Variants in PCNX2 observed in about 807,000 individuals in gnomAD.
PCNX2 encodes pecanex-like protein 2.
PCNX2 carries 168 observed loss-of-function variants against 223.8 expected under a neutral mutation model. The observed-to-expected ratio is 0.75, with a 90% CI of 0.66 to 0.85. The LOEUF (loss-of-function observed/expected upper bound fraction) is 0.85, where lower values mean the gene tolerates loss of function less well. PCNX2 is among the 40% of genes least tolerant of loss of function. PCNX2 has a pLI of 0.00. For synonymous variants in PCNX2, 1,006 were observed against 1,052.6 expected (o/e 0.96, Z 0.86); for missense variants, 2,507 against 2,675.5 (o/e 0.94, Z 1.39).
intron 9 of PCNX2, 102 bp downstream of exon 9, chr1:233,236,743 G>A (rs1022737842): frequency 6.0e-6 from 9 of 1,499,166 alleles, no homozygotes; most frequent in East Asian, 2.3e-5. Context: ...AAAATTCAGG[G>A]AAAGAGCTGA....
the PCNX2 span, among the ~76,000 whole-genome samples, chr1:233,322,579 T>C: frequency 6.6e-6 from 1 of 152,062 alleles, no homozygotes; most frequent in Admixed American, 6.6e-5. Flanking sequence ...CTCCTCTTAG[T>C]ACCAGGCGTT....
intron 9 of PCNX2, among the ~76,000 whole-genome samples, chr1:233,227,981 GA>G (rs201374331): frequency 4.6e-4 from 67 of 146,438 alleles, no homozygotes; most frequent in Middle Eastern, 3.5e-3. Flanking sequence ...ATTCAATTTT[GA>G]AAAAAAAAAA....
rs75327909 is a variant in PCNX2, at chr1:233,128,753, T to C, written c.3837+6260A>G. Among the ~76,000 whole-genome samples the C allele has an allele frequency of 4.3e-3, 648 of 152,336 alleles. 6 individuals carry two copies. The highest frequency in any genetic ancestry group is 0.015 in the African/African-American group (610 of 41,574). On this transcript the variant is annotated intron_variant, in intron 21 of 33. Coordinates refer to ENST00000258229, the MANE Select transcript of PCNX2 (RefSeq NM_014801.4). ...ACCAAATATCCTCATCTGCATGTTT[T>C]ACTGTACCCTAAAGACCCAGACAAC...
chr1:233,026,444 G>A (rs900403505), intron 25 of PCNX2, among the ~76,000 whole-genome samples: 2 of 152,148 alleles, frequency 1.3e-5, no homozygotes, highest in Non-Finnish European at 2.9e-5. Flanking sequence ...TAAAAGAAAC[G>A]TGGTCTGACT....
rs1044501952 is a variant in PCNX2 at position 233,238,570 on chromosome 1, G to A, written c.2223-1590C>T. On this transcript the variant is annotated intron_variant, in intron 8 of 33. Coordinates refer to ENST00000258229, the MANE Select transcript of PCNX2 (RefSeq NM_014801.4). ...TAGCTGGGCATGGTGGCACATGCCTGTAGTCCCAGCTACTTGGGAGGCTGA... is the reference window on the plus strand; with the variant it reads ...TAGCTGGGCATGGTGGCACATGCCTATAGTCCCAGCTACTTGGGAGGCTGA... Among the ~76,000 whole-genome samples the A allele has an allele frequency of 2.0e-5, 3 of 151,962 alleles. No individual in the cohort carries two copies. In the South Asian group the frequency reaches 6.2e-4, roughly 32 times the overall value.
At chr1:233,021,630 C>T (rs1316339309) in intron 26 of PCNX2, among the ~76,000 whole-genome samples, 1 of 152,190 alleles carries the variant, frequency 6.6e-6, no homozygotes, top group East Asian at 1.9e-4. Context: ...CTGGCTCTGG[C>T]TTGTGAGAGG....
At chr1:232,999,446 C>CTT in intron 30 of PCNX2, 67 bp from the exon 31 acceptor site, 1 of 1,189,762 alleles carries the variant, frequency 8.4e-7, no homozygotes, top group Non-Finnish European at 1.1e-6. Flanking sequence ...TTGGTTTTTT[C>CTT]TTTTTCTTTT....
chr1:233,123,644 A>G (rs1393479056), intron 21 of PCNX2, among the ~76,000 whole-genome samples: 1 of 152,162 alleles, frequency 6.6e-6, no homozygotes, highest in Non-Finnish European at 1.5e-5. Flanking sequence ...GTCTATCACA[A>G]CCAAGTGGAA....
intron 8 of PCNX2, chr1:233,250,449 C>A (rs1188017067): frequency 3.0e-6 from 2 of 668,694 alleles, no homozygotes; most frequent in African/African-American, 3.9e-5. Context: ...AGAGCTGTAT[C>A]ACCATCTTTC....
At chr1:233,012,065 C>G (rs1670487205) in intron 28 of PCNX2, among the ~76,000 whole-genome samples, 1 of 152,092 alleles carries the variant, frequency 6.6e-6, no homozygotes, top group Non-Finnish European at 1.5e-5. Flanking sequence ...AGAAGTGGTG[C>G]TTGCTTGCAG....
intron 4 of PCNX2, among the ~76,000 whole-genome samples, chr1:233,259,587 A>G (rs1390572712): frequency 6.6e-6 from 1 of 152,126 alleles, no homozygotes; most frequent in Non-Finnish European, 1.5e-5. Flanking sequence ...TCAGCCCTGC[A>G]TGCATTAGGT....
intron 28 of PCNX2, among the ~76,000 whole-genome samples, chr1:233,010,176 C>T (rs1456375733): frequency 6.6e-6 from 1 of 152,190 alleles, no homozygotes; most frequent in Non-Finnish European, 1.5e-5. Context: ...GGCCTCATCT[C>T]CAGTGGAAGC....
At chr1:233,294,920 G>A (rs1008791709) in intron 1 of PCNX2, among the ~76,000 whole-genome samples, 4 of 152,104 alleles carry the variant, frequency 2.6e-5, no homozygotes, top group Non-Finnish European at 5.9e-5. Flanking sequence ...TAACTGAAAT[G>A]AGTCTGCTTT....
intron 1 of PCNX2, among the ~76,000 whole-genome samples, chr1:233,279,900 T>C (rs1661101139): frequency 6.6e-6 from 1 of 152,184 alleles, no homozygotes; most frequent in Non-Finnish European, 1.5e-5. Context: ...CATTCCTCAT[T>C]TCCAGTCCTA....
chr1:233,044,369 G>A (rs373533348), intron 25 of PCNX2, among the ~76,000 whole-genome samples: 2 of 152,032 alleles, frequency 1.3e-5, no homozygotes, highest in Admixed American at 6.6e-5. Flanking sequence ...GCCTGTTCAC[G>A]CTGATGGTAG....
chr1:233,183,547 T>C (rs1679932087), intron 15 of PCNX2, among the ~76,000 whole-genome samples: 1 of 152,222 alleles, frequency 6.6e-6, no homozygotes, highest in Non-Finnish European at 1.5e-5. Flanking sequence ...GGCAATCTCC[T>C]GACTATGTGC....
intron 15 of PCNX2, among the ~76,000 whole-genome samples, chr1:233,182,250 G>A (rs2102864198): frequency 6.6e-6 from 1 of 152,296 alleles, no homozygotes; most frequent in South Asian, 2.1e-4. Context: ...ACGGACACCT[G>A]AGAGCTGTTT....
Position 233,118,283 on chromosome 1 carries a change from G to A in PCNX2, c.3837+16730C>T, listed in dbSNP as rs1675544411. 3.3e-5 allele frequency among the ~76,000 whole-genome samples: 5 copies of A among 152,010 alleles called. No individual in the cohort carries two copies. In the South Asian group the frequency reaches 1.0e-3, roughly 32 times the overall value. On this transcript the variant is annotated intron_variant, in intron 21 of 33. Transcript: ENST00000258229. ...AAACTACAACTTACTCATACTTACT[G>A]GTGAAAGTTGTATGCCTTCTTTCTA...
At chr1:233,013,817 G>A (rs995833346) in intron 28 of PCNX2, among the ~76,000 whole-genome samples, 1 of 152,126 alleles carries the variant, frequency 6.6e-6, no homozygotes, top group African/African-American at 2.4e-5. Context: ...CACCCACAGA[G>A]GTGCTGATGG....
Sources: allele counts gnomAD v4.1 joint callset (sites outside exome capture counted in the v4.1 genomes callset), GRCh38; gene constraint gnomAD v4.1.1; transcripts MANE v1.5; gene names NCBI Gene and HGNC (gene_info 2026-07-23, HGNC 2026-07-21).